The following GABBR2 variants were observed in gnomAD, a reference collection of about 807,000 sequenced individuals.
GABBR2 encodes G-protein coupled receptor 51.
In GABBR2, 23 loss-of-function variants were observed where a neutral mutation model predicts 105.6. The observed-to-expected ratio is 0.22, with a 90% CI of 0.16 to 0.31. The LOEUF (loss-of-function observed/expected upper bound fraction) is 0.31, where lower values mean the gene tolerates loss of function less well. GABBR2 is among the 10% of genes least tolerant of loss of function. The pLI, the probability that GABBR2 is intolerant of heterozygous loss-of-function variation, is 1.00. For missense variants in GABBR2, 734 were observed against 1,245.5 expected, an observed-to-expected ratio of 0.59 and a Z score of 6.18; for synonymous variants, 478 against 499.7, an observed-to-expected ratio of 0.96 and a Z score of 0.58.
At chr9:98,538,516 T>G in intron 3 of GABBR2, 1 of 721,132 alleles carries the variant, frequency 1.4e-6, no homozygotes, top group Non-Finnish European at 1.7e-6. Flanking sequence ...ACCCAAGTCC[T>G]GAGCAGCCTC....
intron 2 of GABBR2, among the ~76,000 whole-genome samples, chr9:98,570,469 T>C (rs1044057591): frequency 1.2e-4 from 19 of 152,184 alleles, no homozygotes; most frequent in African/African-American, 4.6e-4. Context: ...GCTGCGATAA[T>C]CTCACTCCCA....
At chr9:98,534,636 A>G (rs1828134604) in intron 3 of GABBR2, among the ~76,000 whole-genome samples, 4 of 152,232 alleles carry the variant, frequency 2.6e-5, no homozygotes, top group African/African-American at 7.2e-5. Context: ...GATGCTCCAC[A>G]TCATATGACA....
At position 98,545,025 on chromosome 9, in the gene GABBR2, T is replaced by C. The variant is rs1467621318; in HGVS notation, c.460-2982A>G. Among the ~76,000 whole-genome samples, 4 of 152,280 alleles carry C rather than the reference T, an allele frequency of 2.6e-5. No homozygotes were observed. The East Asian group carries it at 7.7e-4, about 29-fold the overall frequency. ...GAACTATTTCAGGACAGGGACATTATATATACCATCACATCCCCAAAAATC... is the reference window on the plus strand; with the variant it reads ...GAACTATTTCAGGACAGGGACATTACATATACCATCACATCCCCAAAAATC... On this transcript the variant is annotated intron_variant, in intron 2 of 18. Coordinates refer to ENST00000259455, the MANE Select transcript of GABBR2 (RefSeq NM_005458.8).
chr9:98,470,805 T>G (rs993280578), intron 6 of GABBR2, among the ~76,000 whole-genome samples: 4 of 152,014 alleles, frequency 2.6e-5, no homozygotes, highest in Non-Finnish European at 5.9e-5. Context: ...GTTTTTTTTT[T>G]GGCATTATTT....
intron 1 of GABBR2, among the ~76,000 whole-genome samples, chr9:98,623,190 C>T (rs1352635433): frequency 2.6e-5 from 4 of 152,148 alleles, no homozygotes; most frequent in Non-Finnish European, 2.9e-5. Context: ...TTTGGGAGGC[C>T]GAGGCAGTTT....
At chr9:98,293,944 T>C in intron 17 of GABBR2, 42 bp from the exon 18 acceptor site, 1 of 1,222,894 alleles carries the variant, frequency 8.2e-7, no homozygotes, top group Non-Finnish European at 1.2e-6. Flanking sequence ...TCGGTTAACT[T>C]AGTTTTTAAA....
At chr9:98,645,514 C>T (rs1564140035) in intron 1 of GABBR2, among the ~76,000 whole-genome samples, 1 of 152,202 alleles carries the variant, frequency 6.6e-6, no homozygotes, top group African/African-American at 2.4e-5. Flanking sequence ...CCTTTCCTCT[C>T]TCCATCAACC....
intron 1 of GABBR2, among the ~76,000 whole-genome samples, chr9:98,668,255 G>A (rs1286098719): frequency 8.6e-6 from 1 of 116,280 alleles, no homozygotes; most frequent in Non-Finnish European, 1.9e-5. Context: ...CTTAACAGTG[G>A]CTTTGATTTT....
chr9:98,412,223 G>A (rs1226231471), intron 7 of GABBR2, among the ~76,000 whole-genome samples: 5 of 152,252 alleles, frequency 3.3e-5, no homozygotes. Context: ...GGCAACGCCT[G>A]GGCAGGGGCG....
intron 13 of GABBR2, among the ~76,000 whole-genome samples, chr9:98,327,542 A>G (rs919694797): frequency 2.0e-5 from 3 of 152,172 alleles, no homozygotes; most frequent in African/African-American, 7.2e-5. Context: ...GCAAATTTAA[A>G]CATTTTTAAC....
intron 3 of GABBR2, among the ~76,000 whole-genome samples, chr9:98,527,422 A>G (rs1327377552): frequency 2.0e-5 from 3 of 152,172 alleles, no homozygotes; most frequent in Non-Finnish European, 2.9e-5. Flanking sequence ...AAGCAAGTTT[A>G]TTCTTGCTCC....
rs116210939 is a variant in GABBR2 at position 98,542,212 on chromosome 9, G to A, written c.460-169C>T. On this transcript the variant is annotated intron_variant, in intron 2 of 18. Transcript: ENST00000259455. ...TAAGAGTAACATATCATAATGGAAG[G>A]GAAGGTTTAAAAATGCAAAATAAGG... Among the ~76,000 whole-genome samples the A allele has an allele frequency of 0.011, 1,614 of 152,168 alleles. 28 individuals are homozygous for A. The highest frequency in any genetic ancestry group is 0.037 in the African/African-American group (1,550 of 41,478).
At chr9:98,480,846 CA>C in intron 5 of GABBR2, 85 bp downstream of exon 5, 1 of 809,952 alleles carries the variant, frequency 1.2e-6, no homozygotes, top group Non-Finnish European at 2.2e-6. Flanking sequence ...TGATCCCACT[CA>C]CAGACTGAGC....
chr9:98,427,171 AAC>A (rs1825708223), intron 7 of GABBR2, among the ~76,000 whole-genome samples: 1 of 152,110 alleles, frequency 6.6e-6, no homozygotes, highest in Non-Finnish European at 1.5e-5. Flanking sequence ...ACTATGAACA[AAC>A]ACAGTTGAGT....
intron 3 of GABBR2, among the ~76,000 whole-genome samples, chr9:98,501,129 C>A (rs554781932): frequency 7.0e-5 from 10 of 143,858 alleles, no homozygotes; most frequent in African/African-American, 1.2e-4. Context: ...ACCACTGCCC[C>A]CCCCCCTTCC....
At chr9:98,325,825 T>TCA (rs370722480) in intron 13 of GABBR2, among the ~76,000 whole-genome samples, 31 of 152,126 alleles carry the variant, frequency 2.0e-4, no homozygotes, top group African/African-American at 6.0e-4. Context: ...CTTGCAATAG[T>TCA]CACACACACA....
At chr9:98,623,420 C>A (rs1294219215) in intron 1 of GABBR2, among the ~76,000 whole-genome samples, 1 of 152,140 alleles carries the variant, frequency 6.6e-6, no homozygotes, top group Non-Finnish European at 1.5e-5. Flanking sequence ...CAGAGTAAGA[C>A]CCTGTCTCAA....
chr9:98,580,319 T>C (rs889074200), intron 1 of GABBR2, among the ~76,000 whole-genome samples: 3 of 152,164 alleles, frequency 2.0e-5, no homozygotes, highest in Admixed American at 6.5e-5. Flanking sequence ...CCACCCTATT[T>C]AATGCCCTAA....
chr9:98,556,159 C>G (rs1206609676), intron 2 of GABBR2, among the ~76,000 whole-genome samples: 1 of 152,200 alleles, frequency 6.6e-6, no homozygotes, highest in Admixed American at 6.5e-5. Flanking sequence ...GCCCCATCCC[C>G]TTGAGTAGAT....
Sources: gnomAD v4.1 joint callset for allele counts (sites outside exome capture counted in the v4.1 genomes callset) on GRCh38, gnomAD v4.1.1 for gene constraint, MANE v1.5 for transcripts, NCBI Gene and HGNC (gene_info 2026-07-23, HGNC 2026-07-21) for gene names.